Variants in ZNF407 observed in about 807,000 individuals in gnomAD.
ZNF407 encodes the protein zinc finger protein 407.
In ZNF407, 17 loss-of-function variants were observed where a neutral mutation model predicts 131.2. The observed-to-expected ratio is 0.13, with a 90% CI of 0.09 to 0.19. The LOEUF (loss-of-function observed/expected upper bound fraction) is 0.19. ZNF407 is among the 10% of genes least tolerant of loss of function. The pLI, the probability that ZNF407 is intolerant of heterozygous loss-of-function variation, is 1.00. For synonymous variants in ZNF407, 1,156 were observed against 1,062.0 expected, an observed-to-expected ratio of 1.09 and a Z score of -1.72; for missense variants, 2,681 against 2,830.6, an observed-to-expected ratio of 0.95 and a Z score of 1.20.
intron 4 of ZNF407, among the ~76,000 whole-genome samples, chr18:74,832,909 A>G (rs145938648): frequency 2.4e-4 from 36 of 152,326 alleles, no homozygotes; most frequent in African/African-American, 7.0e-4. Context: ...TTTTAAAACT[A>G]TCAATGGAAA....
intron 7 of ZNF407, among the ~76,000 whole-genome samples, chr18:74,897,283 G>A (rs992520006): frequency 1.3e-5 from 2 of 152,160 alleles, no homozygotes; most frequent in Admixed American, 6.5e-5. Context: ...GTCTTTAAAA[G>A]AAAAAGAATC....
chr18:75,015,980 G>T (rs984568649), intron 8 of ZNF407, among the ~76,000 whole-genome samples: 3 of 152,022 alleles, frequency 2.0e-5, no homozygotes, highest in African/African-American at 7.2e-5. Flanking sequence ...TGATGGTCTT[G>T]GTTAGATGAC....
intron 8 of ZNF407, among the ~76,000 whole-genome samples, chr18:74,968,851 T>C (rs1240148819): frequency 6.6e-6 from 1 of 152,190 alleles, no homozygotes; most frequent in South Asian, 2.1e-4. Flanking sequence ...AGCCTTTAAA[T>C]ACTTTTTTTG....
chr18:75,031,968 G>A (rs1259449784), intron 8 of ZNF407, among the ~76,000 whole-genome samples: 2 of 152,188 alleles, frequency 1.3e-5, no homozygotes, highest in Non-Finnish European at 2.9e-5. Context: ...TTACTGCTAA[G>A]CAAGCTCTAA....
chr18:74,611,825 A>G (rs555815048), intron 1 of ZNF407, among the ~76,000 whole-genome samples: 4 of 152,302 alleles, frequency 2.6e-5, no homozygotes, highest in East Asian at 3.9e-4. Context: ...TGAATCAGCA[A>G]CTTTAAGGAT....
At chr18:74,749,920 A>C (rs1478679260) in intron 3 of ZNF407, among the ~76,000 whole-genome samples, 2 of 152,156 alleles carry the variant, frequency 1.3e-5, no homozygotes, top group Non-Finnish European at 2.9e-5. Flanking sequence ...GAAGAGTGTG[A>C]AATTGTCATT....
intron 3 of ZNF407, among the ~76,000 whole-genome samples, chr18:74,723,641 T>A (rs1291319268): frequency 1.3e-5 from 2 of 152,154 alleles, no homozygotes; most frequent in Non-Finnish European, 2.9e-5. Flanking sequence ...CTCTTTTACT[T>A]CTTATTCTCC....
At chr18:74,964,003 CGCCCTCTTGGGGAACAGTA>C (rs1972379527) in intron 8 of ZNF407, among the ~76,000 whole-genome samples, 1 of 152,174 alleles carries the variant, frequency 6.6e-6, no homozygotes, top group Non-Finnish European at 1.5e-5. Context: ...ATATTTGTGG[CGCCCTCTTGGGGAACAGTA>C]ATGTCTTTTC....
At chr18:74,765,050 T>C (rs564174607) in intron 3 of ZNF407, among the ~76,000 whole-genome samples, 16 of 152,250 alleles carry the variant, frequency 1.1e-4, no homozygotes, top group Admixed American at 9.8e-4. Context: ...CCCACACAGT[T>C]CCAATTCTTG....
chr18:74,607,077 A>G (rs1015953115), intron 1 of ZNF407, among the ~76,000 whole-genome samples: 1 of 152,252 alleles, frequency 6.6e-6, no homozygotes, highest in Non-Finnish European at 1.5e-5. Context: ...GTGTTTCGTC[A>G]GTCTCAGAGA....
intron 4 of ZNF407, among the ~76,000 whole-genome samples, chr18:74,806,637 C>T (rs534253430): frequency 7.9e-5 from 12 of 152,318 alleles, no homozygotes; most frequent in South Asian, 4.1e-4. Context: ...GGATAAAGCT[C>T]TAGCAGAGGA....
intron 8 of ZNF407, among the ~76,000 whole-genome samples, chr18:75,013,250 G>A (rs187378463): frequency 1.3e-5 from 2 of 152,206 alleles, no homozygotes; most frequent in African/African-American, 4.8e-5. Context: ...GCACATTCAA[G>A]TAAAGGTTTG....
chr18:75,042,195 C>A (rs1474535091), intron 8 of ZNF407, among the ~76,000 whole-genome samples: 1 of 152,204 alleles, frequency 6.6e-6, no homozygotes, highest in East Asian at 1.9e-4. Context: ...ACCACCACAC[C>A]TGGCCAGCCT....
At chr18:74,919,785 T>G (rs1054480235) in intron 7 of ZNF407, among the ~76,000 whole-genome samples, 1 of 152,226 alleles carries the variant, frequency 6.6e-6, no homozygotes, top group Non-Finnish European at 1.5e-5. Context: ...CAGAACAGTT[T>G]GCCTCAAAAA....
chr18:74,741,308 G>A (rs564252022), intron 3 of ZNF407, among the ~76,000 whole-genome samples: 27 of 152,092 alleles, frequency 1.8e-4, no homozygotes, highest in Non-Finnish European at 3.8e-4. Flanking sequence ...GTGTGTATAT[G>A]TGTATCTACA....
At position 74,779,089 on chromosome 18, in the gene ZNF407, A is replaced by G. The variant is rs367860604; in HGVS notation, c.4803-2339A>G. Reference sequence around the variant, plus strand: ...TAATTTAATGCTAGTCATGCTTGGCATATATATATATATATATATATTTTT... The same window carrying G: ...TAATTTAATGCTAGTCATGCTTGGCGTATATATATATATATATATATTTTT... On this transcript the variant is annotated intron_variant, in intron 3 of 8. Coordinates refer to ENST00000299687, the MANE Select transcript of ZNF407 (RefSeq NM_017757.3). Among the ~76,000 whole-genome samples, 14 of 6,248 alleles carry G rather than the reference A, an allele frequency of 2.2e-3. 1 individual carries two copies. The highest frequency in any genetic ancestry group is 0.017 in the Non-Finnish European group (8 of 468). 4.1% of individuals were successfully genotyped at this position (6,248 alleles called of 152,430 possible). A position where few individuals can be genotyped will look rare whatever the true frequency, so the allele number is the denominator to read the frequency against.
chr18:74,736,930 C>A (rs1290811617), intron 3 of ZNF407, among the ~76,000 whole-genome samples: 1 of 152,136 alleles, frequency 6.6e-6, no homozygotes, highest in African/African-American at 2.4e-5. Context: ...TGAGAAGTAT[C>A]AGCTCCTAAT....
At chr18:74,789,855 GT>G (rs3992949) in intron 4 of ZNF407, among the ~76,000 whole-genome samples, 104,928 of 138,516 alleles carry the variant, frequency 0.76, 39,629 homozygotes, top group East Asian at 0.98. Flanking sequence ...TTTGTATCTG[GT>G]TTTTTTTTTT....
rs554791938 is a variant in ZNF407 at position 74,888,860 on chromosome 18, G to A, written c.5129-1058G>A. ...ACCAGTATGCTATTTCACTATCTTC[G>A]TGTCCTCTGCAAGCCATGAACTTCT... On this transcript the variant is annotated intron_variant, in intron 6 of 8. Coordinates refer to ENST00000299687, the MANE Select transcript of ZNF407 (RefSeq NM_017757.3). 6.6e-5 allele frequency among the ~76,000 whole-genome samples: 10 copies of A among 152,186 alleles called. No homozygotes were observed. The South Asian group carries it at 1.5e-3, about 22-fold the overall frequency.
Sources: gnomAD v4.1 joint callset for allele counts (sites outside exome capture counted in the v4.1 genomes callset) on GRCh38, gnomAD v4.1.1 for gene constraint, MANE v1.5 for transcripts, NCBI Gene and HGNC (gene_info 2026-07-23, HGNC 2026-07-21) for gene names.